The following LTBP1 variants were observed in gnomAD, a reference collection of about 807,000 sequenced individuals.
LTBP1 encodes latent transforming growth factor beta binding protein 1.
LTBP1 carries 129 observed loss-of-function variants against 207.6 expected under a neutral mutation model. That is an observed-to-expected ratio of 0.62 (90% CI 0.54 to 0.72). The LOEUF is 0.72. Ranked by LOEUF, LTBP1 falls within the 30% of genes least tolerant of loss-of-function variation. LTBP1 has a pLI of 0.00. For synonymous variants in LTBP1, 963 were observed against 833.7 expected (o/e 1.16, Z -2.67); for missense variants, 2,281 against 2,217.2 (o/e 1.03, Z -0.58).
intron 9 of LTBP1, among the ~76,000 whole-genome samples, chr2:33,240,360 G>T (rs2092267626): frequency 6.6e-6 from 1 of 152,234 alleles, no homozygotes; most frequent in African/African-American, 2.4e-5. Context: ...GCCTGATGAT[G>T]TCATCACTTG....
At chr2:33,067,017 A>AT (rs2077543831) in intron 3 of LTBP1, among the ~76,000 whole-genome samples, 1 of 152,080 alleles carries the variant, frequency 6.6e-6, no homozygotes, top group African/African-American at 2.4e-5. Context: ...AAATAAAACA[A>AT]TTTAAAAAAA....
chr2:33,294,810 C>G (rs993684104), intron 20 of LTBP1, among the ~76,000 whole-genome samples: 2 of 151,694 alleles, frequency 1.3e-5, no homozygotes, highest in Non-Finnish European at 2.9e-5. Context: ...AACTCCTGAC[C>G]TTTTGATCCA....
chr2:33,342,925 A>G lies in LTBP1; in HGVS notation c.3818A>G (p.Gln1273Arg), dbSNP rs549940286. 29 of 1,614,092 alleles carry G rather than the reference A, an allele frequency of 1.8e-5. 1 individual carries two copies. The South Asian group carries it at 3.0e-4, about 17-fold the overall frequency. ...TAGSFRCLCY[Q>R]GFQAPQDGQG... ...GGCTCCTTCCGCTGCCTCTGTTATC[A>G]GGGCTTTCAAGCCCCACAGGATGGG... Residue 1273 changes from glutamine (Q) to arginine (R), a missense_variant, in exon 25 of 34, where the codon CAG becomes CGG. Physicochemically the swap from Gln to Arg is conservative, Grantham distance 43. Coordinates refer to ENST00000404816, the MANE Select transcript of LTBP1 (RefSeq NM_206943.4).
chr2:33,303,601 C>T (rs1234496828), intron 22 of LTBP1, among the ~76,000 whole-genome samples: 5 of 152,110 alleles, frequency 3.3e-5, no homozygotes, highest in African/African-American at 7.2e-5. Flanking sequence ...CCGCCCATCT[C>T]GGCCTCCCAA....
At chr2:33,334,849 A>G (rs2094536758) in intron 24 of LTBP1, among the ~76,000 whole-genome samples, 1 of 151,534 alleles carries the variant, frequency 6.6e-6, no homozygotes, top group Non-Finnish European at 1.5e-5. Context: ...TGGGAGGATC[A>G]CTTGAGCCGA....
intron 4 of LTBP1, among the ~76,000 whole-genome samples, chr2:33,127,696 C>A (rs980071595): frequency 1.3e-5 from 2 of 152,172 alleles, no homozygotes; most frequent in Admixed American, 1.3e-4. Context: ...GAGAAATATC[C>A]ATAGACGTGT....
At chr2:33,092,689 A>G (rs1318084041) in intron 3 of LTBP1, among the ~76,000 whole-genome samples, 1 of 152,194 alleles carries the variant, frequency 6.6e-6, no homozygotes, top group Non-Finnish European at 1.5e-5. Flanking sequence ...CTTCAGTTTT[A>G]GTTTAAATGG....
intron 2 of LTBP1, among the ~76,000 whole-genome samples, chr2:32,981,971 A>G (rs1682835920): frequency 6.6e-6 from 1 of 152,224 alleles, no homozygotes; most frequent in African/African-American, 2.4e-5. Flanking sequence ...AATCGGTACC[A>G]GTAGAGTGGG....
intron 5 of LTBP1, among the ~76,000 whole-genome samples, chr2:33,172,767 C>T (rs1286593660): frequency 3.9e-5 from 6 of 152,194 alleles, no homozygotes; most frequent in Non-Finnish European, 8.8e-5. Context: ...AAGCTCTCCT[C>T]AGCAAATGTA....
intron 5 of LTBP1, among the ~76,000 whole-genome samples, chr2:33,168,934 G>A (rs967287504): frequency 1.3e-5 from 2 of 152,182 alleles, no homozygotes; most frequent in African/African-American, 2.4e-5. Flanking sequence ...AAAGGGATCC[G>A]TGCCCTTTAA....
At chr2:33,066,650 A>G (rs1184544866) in intron 3 of LTBP1, among the ~76,000 whole-genome samples, 4 of 152,234 alleles carry the variant, frequency 2.6e-5, no homozygotes, top group African/African-American at 4.8e-5. Context: ...TTACCAGACT[A>G]ATCACTTATC....
intron 3 of LTBP1, among the ~76,000 whole-genome samples, chr2:33,079,979 G>A (rs219090): frequency 0.75 from 114,560 of 152,106 alleles, 45,376 homozygotes; most frequent in East Asian, 0.98. Flanking sequence ...TGAAAAGAAT[G>A]TAAATGATAT....
intron 5 of LTBP1, among the ~76,000 whole-genome samples, chr2:33,144,558 A>G (rs142860579): frequency 1.3e-3 from 200 of 152,314 alleles, no homozygotes; most frequent in Middle Eastern, 3.4e-3. Flanking sequence ...AGATGGGGGC[A>G]TCTCCAGTGA....
chr2:32,993,969 AGTGTGTGTGTGTGT>A (rs70938383), intron 2 of LTBP1, among the ~76,000 whole-genome samples: 3 of 138,382 alleles, frequency 2.2e-5, no homozygotes, highest in South Asian at 2.4e-4. Flanking sequence ...CAGTTAGGGG[AGTGTGTGTGTGTGT>A]GTGTGTGTGT....
At chr2:33,143,854 A>G (rs1045637711) in intron 5 of LTBP1, among the ~76,000 whole-genome samples, 23 of 148,186 alleles carry the variant, frequency 1.6e-4, no homozygotes, top group Admixed American at 4.1e-4. Context: ...TTGGTTGTCT[A>G]GCTTCAGGTA....
At chr2:33,026,717 G>A (rs1382638321) in intron 3 of LTBP1, among the ~76,000 whole-genome samples, 1 of 152,128 alleles carries the variant, frequency 6.6e-6, no homozygotes, top group Admixed American at 6.5e-5. Context: ...CTGGGGAATG[G>A]GATGAGAACT....
intron 31 of LTBP1, among the ~76,000 whole-genome samples, chr2:33,382,480 C>T (rs72802036): frequency 0.061 from 9,326 of 152,180 alleles, 314 homozygotes; most frequent in Non-Finnish European, 0.07. Flanking sequence ...TGGTTAACCT[C>T]CTGGCTACAG....
intron 31 of LTBP1, among the ~76,000 whole-genome samples, chr2:33,376,129 C>T (rs2095137233): frequency 6.6e-6 from 1 of 152,154 alleles, no homozygotes; most frequent in South Asian, 2.1e-4. Context: ...TTAATTAGCT[C>T]TTATAAGTCT....
intron 3 of LTBP1, among the ~76,000 whole-genome samples, chr2:33,038,304 T>C (rs1048668676): frequency 3.3e-5 from 5 of 152,136 alleles, no homozygotes; most frequent in African/African-American, 1.2e-4. Flanking sequence ...AGCAGTGCAG[T>C]GTTTGGTTTT....
Sources: allele counts gnomAD v4.1 joint callset (sites outside exome capture counted in the v4.1 genomes callset), GRCh38; gene constraint gnomAD v4.1.1; transcripts MANE v1.5; gene names NCBI Gene and HGNC (gene_info 2026-07-23, HGNC 2026-07-21).